Variants in PRKAR2A observed in about 807,000 individuals in gnomAD.
PRKAR2A encodes the protein protein kinase cAMP-dependent type II regulatory subunit alpha.
In PRKAR2A, 29 loss-of-function variants were observed where a neutral mutation model predicts 51.9. That is an observed-to-expected ratio of 0.56 (90% CI 0.42 to 0.76). The LOEUF (loss-of-function observed/expected upper bound fraction) is 0.76, where lower values mean the gene tolerates loss of function less well. PRKAR2A is among the 30% of genes least tolerant of loss of function. The pLI, the probability that PRKAR2A is intolerant of heterozygous loss-of-function variation, is 0.00. For missense variants in PRKAR2A, 445 were observed against 512.1 expected, an observed-to-expected ratio of 0.87 and a Z score of 1.26; for synonymous variants, 178 against 186.2, an observed-to-expected ratio of 0.96 and a Z score of 0.36.
intron 6 of PRKAR2A, among the ~76,000 whole-genome samples, chr3:48,769,965 A>G (rs1197972174): frequency 5.3e-5 from 8 of 152,242 alleles, no homozygotes; most frequent in African/African-American, 1.9e-4. Context: ...TCATAGAGAC[A>G]GGGTTTCACC....
intron 2 of PRKAR2A, among the ~76,000 whole-genome samples, chr3:48,804,402 A>G (rs2082641057): frequency 6.6e-6 from 1 of 152,162 alleles, no homozygotes; most frequent in Admixed American, 6.6e-5. Context: ...TTGAGGCTGC[A>G]ATGAGCCGTG....
At position 48,847,281 on chromosome 3, in the gene PRKAR2A, C is replaced by G; in HGVS notation, c.262+54G>C. ...CGACACCTGGCTCCCTGCCACCCCT[C>G]TAGACCTCTGGAGACCTCCTGCACC... On this transcript the variant is annotated intron_variant, in intron 1 of 10. Transcript: ENST00000265563. This position sits in a 1 kb window ranked among gnomAD's most constrained non-coding sequence, Gnocchi z 4.4. The G allele has an allele frequency of 6.3e-7, 1 of 1,592,892 alleles. No individual in the cohort carries two copies. The highest frequency in any genetic ancestry group is 1.1e-5 in the South Asian group (1 of 89,254).
chr3:48,752,857 C>G lies in PRKAR2A; in HGVS notation c.940-540G>C, dbSNP rs531173345. 2.0e-5 allele frequency among the ~76,000 whole-genome samples: 3 copies of G among 150,800 alleles called. No individual in the cohort carries two copies. In the South Asian group the frequency reaches 6.3e-4, roughly 32 times the overall value. On this transcript the variant is annotated intron_variant, in intron 9 of 10. Coordinates refer to ENST00000265563, the MANE Select transcript of PRKAR2A (RefSeq NM_004157.4). ...GGATTACAGGAGTGATTCACTGCTC[C>G]TGGCCAACAAATTTCTTTTTAAGTA... is the stretch of plus-strand genomic sequence containing the variant.
At chr3:48,758,257 C>CA (rs1216715073) in intron 8 of PRKAR2A, among the ~76,000 whole-genome samples, 331 of 89,058 alleles carry the variant, frequency 3.7e-3, no homozygotes, top group Admixed American at 8.3e-3. Flanking sequence ...GACTCCATCT[C>CA]AAAAAAAAAA....
chr3:48,816,160 G>A (rs1263458213), intron 1 of PRKAR2A, among the ~76,000 whole-genome samples: 1 of 151,854 alleles, frequency 6.6e-6, no homozygotes, highest in Non-Finnish European at 1.5e-5. Flanking sequence ...TATTTTCACA[G>A]CCTGTGTGTG....
chr3:48,787,880 T>C (rs1559620664), intron 4 of PRKAR2A, among the ~76,000 whole-genome samples: 1 of 152,146 alleles, frequency 6.6e-6, no homozygotes, highest in Non-Finnish European at 1.5e-5. Flanking sequence ...AGGAGGGCTG[T>C]GGAAATGTCT....
chr3:48,831,235 C>T (rs1296647529), intron 1 of PRKAR2A, among the ~76,000 whole-genome samples: 1 of 152,142 alleles, frequency 6.6e-6, no homozygotes, highest in Non-Finnish European at 1.5e-5. Context: ...TTTTTTAGCT[C>T]TATTATACTC....
Position 48,748,750 on chromosome 3 carries a change from G to C in PRKAR2A, c.*2835C>G, listed in dbSNP as rs2081601344. On this transcript the variant is annotated 3_prime_UTR_variant, in exon 11 of 11. Coordinates refer to ENST00000265563, the MANE Select transcript of PRKAR2A (RefSeq NM_004157.4). ...CGTTACCTTTACAAGAAACTGGTGT[G>C]GTTCTTGTCTGCTAAGGGCAAGACC... 2 of 152,140 alleles carry C rather than the reference G, an allele frequency of 1.3e-5. No individual in the cohort carries two copies. Among genetic ancestry groups the C allele is most frequent in the South Asian group, 2.1e-4 (1 of 4,826 alleles). 9.4% of individuals were successfully genotyped at this position (152,140 alleles called of 1,614,324 possible).
chr3:48,824,592 A>C (rs1575934631), intron 1 of PRKAR2A, among the ~76,000 whole-genome samples: 1 of 135,820 alleles, frequency 7.4e-6, no homozygotes, highest in Admixed American at 7.5e-5. Flanking sequence ...AAAGAAAGAA[A>C]GAAAGAAAGA....
chr3:48,822,565 C>T (rs1031487902), intron 1 of PRKAR2A, among the ~76,000 whole-genome samples: 2 of 152,078 alleles, frequency 1.3e-5, no homozygotes, highest in African/African-American at 4.8e-5. Flanking sequence ...TTTCATTTTC[C>T]TAAGAACACA....
intron 1 of PRKAR2A, among the ~76,000 whole-genome samples, chr3:48,815,837 GGT>G (rs1228921670): frequency 6.6e-6 from 1 of 151,590 alleles, no homozygotes; most frequent in Non-Finnish European, 1.5e-5. Context: ...TGACCAACAT[GGT>G]GAAACCCCAT....
intron 10 of PRKAR2A, among the ~76,000 whole-genome samples, 194 bp downstream of exon 10, chr3:48,751,982 G>A (rs1451801056): frequency 6.6e-6 from 1 of 152,166 alleles, no homozygotes; most frequent in Non-Finnish European, 1.5e-5. Context: ...CTGCATGCCT[G>A]TCTTGCTCAC....
intron 1 of PRKAR2A, among the ~76,000 whole-genome samples, chr3:48,821,868 T>C (rs536590901): frequency 2.0e-5 from 3 of 148,490 alleles, no homozygotes; most frequent in Non-Finnish European, 3.0e-5. Context: ...TGAGCCGAGA[T>C]TGCACTACTG....
At chr3:48,846,924 C>T (rs542766813) in intron 1 of PRKAR2A, among the ~76,000 whole-genome samples, 7 of 152,352 alleles carry the variant, frequency 4.6e-5, no homozygotes, top group Non-Finnish European at 8.8e-5. Context: ...AAAGTTTTCA[C>T]AGTAACTTTT....
intron 1 of PRKAR2A, among the ~76,000 whole-genome samples, chr3:48,810,245 C>T (rs2082749323): frequency 1.3e-5 from 2 of 151,984 alleles, no homozygotes; most frequent in Non-Finnish European, 2.9e-5. Flanking sequence ...TGTGTACACA[C>T]ACACACACGT....
In PRKAR2A at chr3:48,847,599, C is replaced by A; in HGVS notation, c.-3G>T. The stretch of plus-strand genomic sequence containing the variant: ...GGCGGGATCTGGATGTGGCTCATGC[C>A]GGCGGCGGCCGAAGGGATAGACGGG... On this transcript the variant is annotated 5_prime_UTR_variant, in exon 1 of 11. Transcript: ENST00000265563. The surrounding 1 kb of genome is among the most constrained non-coding windows in gnomAD (Gnocchi z 4.4). The A allele has an allele frequency of 4.1e-6, 6 of 1,478,306 alleles. No individual in the cohort carries two copies. Among genetic ancestry groups the A allele is most frequent in the Non-Finnish European group, 5.3e-6 (6 of 1,121,754 alleles). 91.6% of individuals were successfully genotyped at this position (1,478,306 alleles called of 1,614,324 possible). A position where few individuals can be genotyped will look rare whatever the true frequency, so the allele number is the denominator to read the frequency against.
chr3:48,767,500 A>G (rs2081958334), intron 6 of PRKAR2A, among the ~76,000 whole-genome samples: 1 of 147,642 alleles, frequency 6.8e-6, no homozygotes, highest in Non-Finnish European at 1.5e-5. Context: ...AAACAAAACA[A>G]TATTTTAGGC....
At chr3:48,837,465 G>A (rs1240423420) in intron 1 of PRKAR2A, among the ~76,000 whole-genome samples, 1 of 152,232 alleles carries the variant, frequency 6.6e-6, no homozygotes, top group African/African-American at 2.4e-5. Context: ...AGACAAGGAT[G>A]TAGAGGAATT....
In PRKAR2A at chr3:48,809,273, T is replaced by C. The variant is rs572934815; in HGVS notation, c.263-1589A>G. Among the ~76,000 whole-genome samples the C allele has an allele frequency of 6.6e-5, 10 of 152,058 alleles. No homozygotes were observed. The South Asian group carries it at 1.9e-3, about 28-fold the overall frequency. ...GGCTTATGAACAGAAGGAAAACAAA[T>C]AGATTCCAGAGATGAGAAAAAATCT... On this transcript the variant is annotated intron_variant, in intron 1 of 10. Coordinates refer to ENST00000265563, the MANE Select transcript of PRKAR2A (RefSeq NM_004157.4).
Sources: gnomAD v4.1 joint callset for allele counts (sites outside exome capture counted in the v4.1 genomes callset) on GRCh38, gnomAD v4.1.1 for gene constraint, Gnocchi (gnomAD v3.1) non-coding constraint, MANE v1.5 for transcripts, NCBI Gene and HGNC (gene_info 2026-07-23, HGNC 2026-07-21) for gene names.